G3BP2: variants seen among roughly 807,000 people sequenced by gnomAD.
The protein encoded by G3BP2 is ras GTPase-activating protein-binding protein 2.
A neutral mutation model predicts 56.7 loss-of-function variants in G3BP2; 11 were observed. The observed-to-expected ratio is 0.19, with a 90% CI of 0.12 to 0.32. The LOEUF is 0.32. Ranked by LOEUF, G3BP2 falls within the 10% of genes least tolerant of loss-of-function variation. The probability of loss-of-function intolerance (pLI) is 1.00; values close to 1 mark genes in which losing one functional copy is unlikely to be tolerated. For synonymous variants in G3BP2, 165 were observed against 191.6 expected (o/e 0.86, Z 1.15); for missense variants, 340 against 610.9 (o/e 0.56, Z 4.67).
chr4:75,679,394 T>G (rs575444847), intron 3 of G3BP2, among the ~76,000 whole-genome samples: 1 of 152,334 alleles, frequency 6.6e-6, no homozygotes, highest in South Asian at 2.1e-4. Context: ...CTGCAATCTT[T>G]CCAGCCATTA....
chr4:75,723,704 C>T (rs149052443), intron 1 of G3BP2, among the ~76,000 whole-genome samples: 1 of 152,076 alleles, frequency 6.6e-6, no homozygotes, highest in Non-Finnish European at 1.5e-5. Context: ...GGAAAGATGA[C>T]GAGTTCAATT....
chr4:75,709,419 CAAAAAAAAA>C (rs34603185), intron 3 of G3BP2, among the ~76,000 whole-genome samples: 26 of 47,404 alleles, frequency 5.5e-4, no homozygotes, highest in Non-Finnish European at 7.8e-4. Context: ...GACTCCGTCT[CAAAAAAAAA>C]AAAAAAAAAA....
At position 75,657,687 on chromosome 4, in the gene G3BP2, T is replaced by C; in HGVS notation, c.221A>G (p.His74Arg). 3 of 1,612,742 alleles carry C rather than the reference T, an allele frequency of 1.9e-6. No individual in the cohort carries two copies. The highest frequency in any genetic ancestry group is 1.7e-6 in the Non-Finnish European group (2 of 1,178,814). ...KVLSLNFSEC[H>R]TKIRHVDAHA... ...AGCATCCACATGACGAATTTTAGTA[T>C]GACATTCACTGAAGTTCAGAGATAA... The change falls in exon 4 of 12, where the codon CAT (histidine) becomes CGT (arginine). Residue 74 changes from histidine (H) to arginine (R), a missense_variant. Around this residue, in one of 4 missense-constraint regions of G3BP2, gnomAD observed 224 missense variants for 332.5 expected, o/e 0.67. Coordinates refer to ENST00000359707, the MANE Select transcript of G3BP2 (RefSeq NM_203505.3).
At chr4:75,705,017 CAT>C (rs1719492199) in intron 3 of G3BP2, among the ~76,000 whole-genome samples, 1 of 152,206 alleles carries the variant, frequency 6.6e-6, no homozygotes, top group African/African-American at 2.4e-5. Flanking sequence ...GCCACAAATT[CAT>C]ATGCTTTCTT....
intron 3 of G3BP2, among the ~76,000 whole-genome samples, chr4:75,683,843 A>G (rs139587946): frequency 2.4e-4 from 37 of 152,182 alleles, no homozygotes; most frequent in African/African-American, 8.4e-4. Flanking sequence ...GCCGTAAAAT[A>G]CCCATGTTTA....
intron 3 of G3BP2, among the ~76,000 whole-genome samples, chr4:75,695,880 A>T (rs971042376): frequency 6.6e-6 from 1 of 151,194 alleles, no homozygotes; most frequent in African/African-American, 2.4e-5. Flanking sequence ...AGGCTGAGGC[A>T]GGAGAATCGC....
chr4:75,648,332 G>A (rs1042531736), intron 9 of G3BP2, among the ~76,000 whole-genome samples: 1 of 132,986 alleles, frequency 7.5e-6, no homozygotes, highest in Non-Finnish European at 1.5e-5. Context: ...TGGCGACAGA[G>A]CAAGACTCCG....
chr4:75,700,217 C>T (rs1014524033), intron 3 of G3BP2, among the ~76,000 whole-genome samples: 1 of 151,692 alleles, frequency 6.6e-6, no homozygotes, highest in Non-Finnish European at 1.5e-5. Flanking sequence ...CCACACCCAG[C>T]TACTTTTTGT....
chr4:75,696,339 C>G (rs1719120418), intron 3 of G3BP2, among the ~76,000 whole-genome samples: 1 of 152,108 alleles, frequency 6.6e-6, no homozygotes, highest in Non-Finnish European at 1.5e-5. Context: ...CTCTGCTGCC[C>G]GTTTTTATGT....
intron 3 of G3BP2, among the ~76,000 whole-genome samples, chr4:75,698,810 C>T (rs1414926406): frequency 1.3e-5 from 2 of 152,102 alleles, no homozygotes; most frequent in African/African-American, 2.4e-5. Flanking sequence ...ATTCTCCTAC[C>T]TCAGCCACCC....
chr4:75,668,358 T>C (rs1188567301), intron 1 of G3BP2, among the ~76,000 whole-genome samples: 1 of 152,208 alleles, frequency 6.6e-6, no homozygotes, highest in Non-Finnish European at 1.5e-5. Flanking sequence ...TGTTTACCAT[T>C]TAAAGTTCAG....
At chr4:75,704,229 A>G (rs6531873) in intron 3 of G3BP2, among the ~76,000 whole-genome samples, 131,763 of 151,070 alleles carry the variant, frequency 0.87, 57,457 homozygotes, top group East Asian at 0.91. Context: ...ATGTTGGCCA[A>G]GCTGGTCTTG....
At chr4:75,678,762 T>C (rs761794778) in intron 3 of G3BP2, among the ~76,000 whole-genome samples, 3 of 152,232 alleles carry the variant, frequency 2.0e-5, no homozygotes, top group Non-Finnish European at 4.4e-5. Context: ...TTCACTTTTA[T>C]GTGCCTCAGT....
intron 3 of G3BP2, among the ~76,000 whole-genome samples, chr4:75,683,642 C>G (rs1307260365): frequency 6.6e-6 from 1 of 152,116 alleles, no homozygotes; most frequent in Non-Finnish European, 1.5e-5. Context: ...CATCTATATC[C>G]TCCTGCTGGA....
chr4:75,657,110 T>C, intron 4 of G3BP2, 96 bp from the exon 5 acceptor site: 1 of 621,742 alleles, frequency 1.6e-6, no homozygotes, highest in South Asian at 2.1e-5. Context: ...ATTTTAATAC[T>C]AGAGATCTTG....
At chr4:75,694,997 G>A in intron 3 of G3BP2, 2 of 919,496 alleles carry the variant, frequency 2.2e-6, no homozygotes, top group South Asian at 5.0e-5. Flanking sequence ...ATGAATATCC[G>A]GGAGAATGGC....
At chr4:75,691,659 G>A (rs1156989905) in intron 3 of G3BP2, among the ~76,000 whole-genome samples, 1 of 152,190 alleles carries the variant, frequency 6.6e-6, no homozygotes. Context: ...TGGGATTGGG[G>A]GATGAATACG....
upstream of G3BP2, chr4:75,673,614 TA>T: frequency 8.1e-7 from 1 of 1,231,310 alleles, no homozygotes; most frequent in Non-Finnish European, 1.0e-6. Context: ...GGAACCGGCC[TA>T]AAGCCAAGAT....
At chr4:75,648,387 G>A (rs536961343) in intron 9 of G3BP2, among the ~76,000 whole-genome samples, 16 of 149,568 alleles carry the variant, frequency 1.1e-4, no homozygotes, top group Non-Finnish European at 1.8e-4. Context: ...ACAAAAAACC[G>A]TGACAATAAC....
Sources: gnomAD v4.1 joint callset for allele counts (sites outside exome capture counted in the v4.1 genomes callset) on GRCh38, gnomAD v4.1.1 for gene constraint, gnomAD v4.1.1 regional missense constraint, MANE v1.5 for transcripts, NCBI Gene and HGNC (gene_info 2026-07-23, HGNC 2026-07-21) for gene names.